Variants in GLI3 observed in about 807,000 individuals in gnomAD.
GLI3 encodes the protein GLI family zinc finger 3.
Under a neutral mutation model 100.8 loss-of-function variants are expected in GLI3, and 20 were observed. The ratio of observed to expected loss-of-function variants is 0.20; its 90% CI spans 0.14 to 0.29. The LOEUF is 0.29. Among genes scored for constraint, GLI3 ranks in the 10% least tolerant of loss-of-function variants. GLI3 has a pLI of 1.00. For missense variants in GLI3, 2,040 were observed against 2,128.5 expected (o/e 0.96, Z 0.82); for synonymous variants, 938 against 860.5 (o/e 1.09, Z -1.58).
chr7:41,968,715 A>AAGAAAGAAAGAAAGAAAGAAAGAAG (rs1787261155), intron 13 of GLI3, among the ~76,000 whole-genome samples: 1 of 102,374 alleles, frequency 9.8e-6, no homozygotes, highest in Non-Finnish European at 1.9e-5. Flanking sequence ...GAAAGAAAGA[A>AAGAAAGAAAGAAAGAAAGAAAGAAG]GAAAGAAAGA....
intron 1 of GLI3, among the ~76,000 whole-genome samples, chr7:42,255,647 C>A (rs1263670904): frequency 6.6e-6 from 1 of 152,132 alleles, no homozygotes; most frequent in Non-Finnish European, 1.5e-5. Flanking sequence ...CGTATTTATT[C>A]GTCTTCATTG....
chr7:42,106,959 C>T (rs1785590607), intron 3 of GLI3, among the ~76,000 whole-genome samples: 1 of 152,020 alleles, frequency 6.6e-6, no homozygotes, highest in African/African-American at 2.4e-5. Flanking sequence ...TTACTGCCAA[C>T]AATGTGGGAA....
At chr7:42,082,097 C>T (rs1583540493) in intron 3 of GLI3, among the ~76,000 whole-genome samples, 2 of 152,022 alleles carry the variant, frequency 1.3e-5, no homozygotes, top group Admixed American at 1.3e-4. Context: ...CGCTATGCTA[C>T]AACCAAAATC....
At chr7:42,228,173 C>CG (rs35899202) in intron 1 of GLI3, among the ~76,000 whole-genome samples, 4 of 152,082 alleles carry the variant, frequency 2.6e-5, no homozygotes, top group Admixed American at 1.3e-4. Flanking sequence ...TACATCAGCG[C>CG]GGGGAAGTCC....
chr7:42,220,074 G>C (rs545565812), intron 2 of GLI3, among the ~76,000 whole-genome samples: 5 of 152,102 alleles, frequency 3.3e-5, no homozygotes, highest in Middle Eastern at 3.4e-3. Flanking sequence ...GGATGGTCTC[G>C]ATCTCCTGAC....
intron 4 of GLI3, among the ~76,000 whole-genome samples, chr7:42,052,242 T>G (rs1422061529): frequency 6.6e-6 from 1 of 152,238 alleles, no homozygotes; most frequent in African/African-American, 2.4e-5. Context: ...TTCGAAGTTT[T>G]GGCAATTATG....
intron 10 of GLI3, among the ~76,000 whole-genome samples, chr7:42,020,667 G>A (rs148613527): frequency 6.6e-6 from 1 of 152,170 alleles, no homozygotes; most frequent in Non-Finnish European, 1.5e-5. Context: ...AACTGTTAAT[G>A]CTTCCCTCTG....
chr7:42,241,898 A>C (rs545371921), upstream of GLI3, among the ~76,000 whole-genome samples: 1 of 152,328 alleles, frequency 6.6e-6, no homozygotes, highest in Non-Finnish European at 1.5e-5. Context: ...TGAGGTGAGC[A>C]TGGTGGATTT....
chr7:42,103,192 C>T (rs1178602282), intron 3 of GLI3, among the ~76,000 whole-genome samples: 2 of 152,176 alleles, frequency 1.3e-5, no homozygotes, highest in Non-Finnish European at 2.9e-5. Flanking sequence ...GGCATGGCCA[C>T]TGTCCACCCC....
chr7:42,205,421 A>C (rs907173792), intron 2 of GLI3, among the ~76,000 whole-genome samples: 5 of 152,118 alleles, frequency 3.3e-5, no homozygotes, highest in Non-Finnish European at 2.9e-5. Flanking sequence ...ACAAATAACA[A>C]ACAGCCTCAA....
At chr7:42,057,596 A>C (rs1238522019) in intron 4 of GLI3, among the ~76,000 whole-genome samples, 1 of 152,244 alleles carries the variant, frequency 6.6e-6, no homozygotes, top group African/African-American at 2.4e-5. Flanking sequence ...AGAATGGACA[A>C]ATAATGCATA....
chr7:42,021,966 A>G (rs557306975), intron 10 of GLI3, among the ~76,000 whole-genome samples: 1 of 152,350 alleles, frequency 6.6e-6, no homozygotes, highest in South Asian at 2.1e-4. Context: ...ATTTCCATTA[A>G]AACAGTCAGC....
chr7:42,117,719 T>C (rs1048714590), intron 3 of GLI3, among the ~76,000 whole-genome samples: 4 of 152,234 alleles, frequency 2.6e-5, no homozygotes, highest in African/African-American at 9.6e-5. Flanking sequence ...TGAACCTCCT[T>C]CTAGCAAAGT....
chr7:42,099,881 CT>C (rs1305879985), intron 3 of GLI3, among the ~76,000 whole-genome samples: 1 of 152,250 alleles, frequency 6.6e-6, no homozygotes, highest in South Asian at 2.1e-4. Context: ...GTCTGACATT[CT>C]AGAAGTCTCT....
chr7:42,167,164 G>T (rs2128674343), intron 2 of GLI3, among the ~76,000 whole-genome samples: 1 of 152,170 alleles, frequency 6.6e-6, no homozygotes, highest in South Asian at 2.1e-4. Context: ...GCGCTTGCCA[G>T]GTTATCACCT....
At chr7:42,008,399 C>T (rs1259784514) in intron 10 of GLI3, among the ~76,000 whole-genome samples, 1 of 152,200 alleles carries the variant, frequency 6.6e-6, no homozygotes, top group Admixed American at 6.5e-5. Context: ...TGTCCCTTGG[C>T]ACTTTCTGCC....
chr7:42,020,238 C>T (rs1338259199), intron 10 of GLI3, among the ~76,000 whole-genome samples: 1 of 152,188 alleles, frequency 6.6e-6, no homozygotes, highest in Non-Finnish European at 1.5e-5. Flanking sequence ...TTCTAATTCT[C>T]TTCTTCAAAT....
chr7:41,980,247 G>A (rs1055946364), intron 10 of GLI3, among the ~76,000 whole-genome samples: 1 of 152,200 alleles, frequency 6.6e-6, no homozygotes, highest in Non-Finnish European at 1.5e-5. Flanking sequence ...GGTTTCCTAT[G>A]AAAAGCCAGC....
intron 7 of GLI3, among the ~76,000 whole-genome samples, chr7:42,031,358 G>T (rs1169787058): frequency 1.3e-5 from 2 of 152,204 alleles, no homozygotes; most frequent in African/African-American, 4.8e-5. Flanking sequence ...TAGAAAGAAA[G>T]TGTTAGATGG....
Sources: gnomAD v4.1 joint callset for allele counts (sites outside exome capture counted in the v4.1 genomes callset) on GRCh38, gnomAD v4.1.1 for gene constraint, MANE v1.5 for transcripts, NCBI Gene and HGNC (gene_info 2026-07-23, HGNC 2026-07-21) for gene names.